Variants in WDFY4 observed in about 807,000 individuals in gnomAD.
WDFY4 encodes the protein WDFY family member 4.
A neutral mutation model predicts 351.9 loss-of-function variants in WDFY4; 169 were observed. The ratio of observed to expected loss-of-function variants is 0.48; its 90% CI spans 0.42 to 0.55. WDFY4 has a LOEUF of 0.55. Among genes scored for constraint, WDFY4 ranks in the 20% least tolerant of loss-of-function variants. WDFY4 has a pLI of 0.00. For synonymous variants in WDFY4, 1,622 were observed against 1,574.6 expected (o/e 1.03, Z -0.71); for missense variants, 3,803 against 3,935.6 (o/e 0.97, Z 0.90).
chr10:48,878,902 G>A (rs1010640436), intron 43 of WDFY4, among the ~76,000 whole-genome samples: 6 of 152,226 alleles, frequency 3.9e-5, no homozygotes, highest in Non-Finnish European at 5.9e-5. Context: ...GATGAATGAC[G>A]TGCTAAATTC....
At chr10:48,973,931 TG>T (rs1564542507) in intron 57 of WDFY4, among the ~76,000 whole-genome samples, 1 of 152,216 alleles carries the variant, frequency 6.6e-6, no homozygotes, top group Non-Finnish European at 1.5e-5. Flanking sequence ...CCCATCTTTT[TG>T]ATGACCATGT....
At chr10:48,767,714 C>T (rs2065716534) in intron 13 of WDFY4, among the ~76,000 whole-genome samples, 1 of 152,204 alleles carries the variant, frequency 6.6e-6, no homozygotes, top group Non-Finnish European at 1.5e-5. Context: ...TGTGCCATGT[C>T]TGAATGCATG....
At chr10:48,945,890 C>A (rs1841017966) in intron 49 of WDFY4, 150 bp from the exon 50 acceptor site, 2 of 543,742 alleles carry the variant, frequency 3.7e-6, no homozygotes, top group Non-Finnish European at 3.2e-6. Flanking sequence ...GCTCTGGGGC[C>A]ATAAAACCCC....
At chr10:48,747,145 A>G (rs992639841) in intron 12 of WDFY4, among the ~76,000 whole-genome samples, 1 of 152,118 alleles carries the variant, frequency 6.6e-6, no homozygotes, top group Non-Finnish European at 1.5e-5. Context: ...TTGCTGGGTA[A>G]ACATTTATTG....
At chr10:48,935,065 A>C (rs987829418) in intron 47 of WDFY4, 2 of 152,382 alleles carry the variant, frequency 1.3e-5, no homozygotes, top group East Asian at 1.9e-4. Flanking sequence ...GGCATTTCCA[A>C]AGCTGCTTAC....
intron 47 of WDFY4, among the ~76,000 whole-genome samples, chr10:48,919,312 C>A (rs1160400754): frequency 1.3e-5 from 2 of 151,964 alleles, no homozygotes; most frequent in African/African-American, 4.8e-5. Flanking sequence ...TAGATAAGAT[C>A]AACTAAAAAC....
At chr10:48,977,548 G>A (rs1388468698) in intron 59 of WDFY4, among the ~76,000 whole-genome samples, 1 of 152,188 alleles carries the variant, frequency 6.6e-6, no homozygotes. Context: ...GACTTTATCT[G>A]TGGCCTCTGC....
At chr10:48,940,545 C>T (rs980655424) in intron 47 of WDFY4, among the ~76,000 whole-genome samples, 5 of 152,148 alleles carry the variant, frequency 3.3e-5, no homozygotes, top group South Asian at 2.1e-4. Context: ...AGACTGAGCC[C>T]GGCAGGGTCC....
rs145594155 is a variant in WDFY4, at chr10:48,752,077, A to G, written c.2460-8270A>G. Reference sequence around the variant, plus strand: ...TGCGAGATACAAGCCGTCTGGGAACACCAGGTCAGGTGGGGGATCAGTGTC... The same window carrying G: ...TGCGAGATACAAGCCGTCTGGGAACGCCAGGTCAGGTGGGGGATCAGTGTC... On this transcript the variant is annotated intron_variant, in intron 12 of 61. Coordinates refer to ENST00000325239, the MANE Select transcript of WDFY4 (RefSeq NM_001394531.1). 6.6e-5 allele frequency among the ~76,000 whole-genome samples: 10 copies of G among 152,320 alleles called. No homozygotes were observed. The East Asian group carries it at 1.7e-3, about 26-fold the overall frequency.
intron 1 of WDFY4, among the ~76,000 whole-genome samples, chr10:48,693,665 G>A (rs898781969): frequency 3.9e-5 from 6 of 152,160 alleles, no homozygotes; most frequent in African/African-American, 1.2e-4. Flanking sequence ...TATTCTAAAC[G>A]CTTCATGTTA....
intron 47 of WDFY4, among the ~76,000 whole-genome samples, chr10:48,905,704 C>A (rs1249901177): frequency 6.6e-6 from 1 of 152,220 alleles, no homozygotes; most frequent in Admixed American, 6.5e-5. Context: ...GGACACCCCG[C>A]AGAGTGCTGA....
intron 39 of WDFY4, among the ~76,000 whole-genome samples, chr10:48,857,690 T>G (rs941833634): frequency 7.9e-5 from 12 of 152,360 alleles, no homozygotes; most frequent in African/African-American, 2.4e-4. Context: ...ATGGGTGACC[T>G]GGGTGGAACA....
intron 35 of WDFY4, among the ~76,000 whole-genome samples, chr10:48,824,615 T>A (rs960426249): frequency 2.3e-4 from 35 of 152,122 alleles, no homozygotes; most frequent in African/African-American, 8.2e-4. Context: ...AGGAAATGAG[T>A]CCTATTAGAA....
intron 2 of WDFY4, among the ~76,000 whole-genome samples, chr10:48,717,560 G>T (rs558710088): frequency 1.3e-4 from 20 of 152,156 alleles, no homozygotes; most frequent in African/African-American, 4.8e-4. Flanking sequence ...CTTGAATTTG[G>T]GGTGCCTCAT....
In WDFY4 at chr10:48,731,434, T is replaced by C. The variant is rs1018349076; in HGVS notation, c.1454T>C (p.Met485Thr). ...KESPGPSCTLMALQSILSIAG... is the reference protein window; with the variant it reads ...KESPGPSCTLTALQSILSIAG... ...AGCCCTGGGCCATCCTGCACCCTCA[T>C]GGCCCTGCAGAGCATCCTCAGCATC... The change falls in exon 9 of 62, where the codon ATG becomes ACG. Residue 485 changes from methionine (M) to threonine (T), a missense_variant. This residue lies in a region of WDFY4 where 261 missense variants were observed against 330.2 expected (regional missense o/e 0.79). Coordinates refer to ENST00000325239, the MANE Select transcript of WDFY4 (RefSeq NM_001394531.1). 1.9e-6 allele frequency: 3 copies of C among 1,551,642 alleles called. No homozygotes were observed. Among genetic ancestry groups the C allele is most frequent in the Middle Eastern group, 1.7e-4 (1 of 6,014 alleles).
At chr10:48,737,181 T>C (rs1391529150) in intron 11 of WDFY4, among the ~76,000 whole-genome samples, 3 of 152,118 alleles carry the variant, frequency 2.0e-5, no homozygotes, top group African/African-American at 7.2e-5. Flanking sequence ...GGCTAATTTT[T>C]GTATTCTTTG....
At chr10:48,747,251 A>T (rs1220800772) in intron 12 of WDFY4, among the ~76,000 whole-genome samples, 1 of 152,104 alleles carries the variant, frequency 6.6e-6, no homozygotes, top group Non-Finnish European at 1.5e-5. Flanking sequence ...CTTCCTTTGA[A>T]GGTAATTTGT....
At chr10:48,914,204 T>C (rs1336259025) in intron 47 of WDFY4, 36 of 1,555,216 alleles carry the variant, frequency 2.3e-5, no homozygotes, top group Non-Finnish European at 2.7e-5. Flanking sequence ...GATTGGATAG[T>C]GATCAGTGTG....
chr10:48,870,792 A>G (rs1448802137), intron 40 of WDFY4, among the ~76,000 whole-genome samples: 1 of 152,146 alleles, frequency 6.6e-6, no homozygotes, highest in Non-Finnish European at 1.5e-5. Context: ...GTAACTTGCT[A>G]TCATGGACTA....
Sources: gnomAD v4.1 joint callset for allele counts (sites outside exome capture counted in the v4.1 genomes callset) on GRCh38, gnomAD v4.1.1 for gene constraint, gnomAD v4.1.1 regional missense constraint, MANE v1.5 for transcripts, NCBI Gene and HGNC (gene_info 2026-07-23, HGNC 2026-07-21) for gene names.